The following NAALADL2 variants were observed in gnomAD, a reference collection of about 807,000 sequenced individuals.
The protein encoded by NAALADL2 is inactive N-acetylated-alpha-linked acidic dipeptidase-like protein 2.
Under a neutral mutation model 87.2 loss-of-function variants are expected in NAALADL2, and 76 were observed. That is an observed-to-expected ratio of 0.87 (90% CI 0.72 to 1.05). The LOEUF (loss-of-function observed/expected upper bound fraction) is 1.05. Ranked by LOEUF, NAALADL2 falls within the 50% of genes least tolerant of loss-of-function variation. NAALADL2 has a pLI of 0.00. For missense variants in NAALADL2, 1,089 were observed against 945.8 expected, an observed-to-expected ratio of 1.15 and a Z score of -1.99; for synonymous variants, 354 against 331.0, an observed-to-expected ratio of 1.07 and a Z score of -0.75.
rs1329476434 is a variant in NAALADL2, at chr3:175,293,498, G to C, written c.940-30677G>C. Among the ~76,000 whole-genome samples, 3 of 152,162 alleles carry C rather than the reference G, an allele frequency of 2.0e-5. No homozygotes were observed. In the East Asian group the frequency reaches 5.8e-4, roughly 29 times the overall value. ...TTTTCCAAACAGTACATTTTTTTGA[G>C]CAACAACTGCTATGGTTTGAATATT... On this transcript the variant is annotated intron_variant, in intron 4 of 13. Transcript: ENST00000454872.
At chr3:175,394,760 G>T (rs139422398) in intron 5 of NAALADL2, among the ~76,000 whole-genome samples, 1 of 152,114 alleles carries the variant, frequency 6.6e-6, no homozygotes, top group Admixed American at 6.5e-5. Flanking sequence ...CAATCAGCAC[G>T]TTTCTGTTCA....
intron 5 of NAALADL2, among the ~76,000 whole-genome samples, chr3:175,424,089 C>G (rs1380928773): frequency 6.6e-6 from 1 of 152,164 alleles, no homozygotes; most frequent in Non-Finnish European, 1.5e-5. Context: ...TGTTCATATC[C>G]TTCGCCCACT....
rs571467179 is a variant in NAALADL2, at chr3:175,576,299, C to T, written c.1800+112C>T. On this transcript the variant is annotated intron_variant, in intron 10 of 13. Coordinates refer to ENST00000454872, the MANE Select transcript of NAALADL2 (RefSeq NM_207015.3). ...TATCAAATAGGTCACTATAGAAAAG[C>T]GGCTTCATTTAGAGAGTTATTCTTG... 60 of 961,658 alleles carry T rather than the reference C, an allele frequency of 6.2e-5. 1 individual carries two copies. Among genetic ancestry groups the T allele is most frequent in the South Asian group, 4.1e-4 (23 of 55,758 alleles). The allele number at this position is 961,658 out of a possible 1,614,324, so 59.6% of individuals were successfully genotyped here. A position where few individuals can be genotyped will look rare whatever the true frequency, so the allele number is the denominator to read the frequency against.
chr3:174,540,964 G>A (rs1039615934), intron 1 of NAALADL2, among the ~76,000 whole-genome samples: 1 of 152,038 alleles, frequency 6.6e-6, no homozygotes, highest in Non-Finnish European at 1.5e-5. Context: ...AGGTAGAAGG[G>A]GAGAATTAAA....
At chr3:175,225,484 A>G (rs1303086969) in intron 2 of NAALADL2, among the ~76,000 whole-genome samples, 1 of 152,120 alleles carries the variant, frequency 6.6e-6, no homozygotes, top group Non-Finnish European at 1.5e-5. Context: ...TTAATTTTTT[A>G]AGATTACTGA....
chr3:174,990,141 A>G (rs1268003103), intron 1 of NAALADL2, among the ~76,000 whole-genome samples: 1 of 152,176 alleles, frequency 6.6e-6, no homozygotes, highest in Non-Finnish European at 1.5e-5. Context: ...AAATTTCCGC[A>G]AATGCCACAC....
chr3:175,008,436 C>A (rs1749332420), intron 1 of NAALADL2, among the ~76,000 whole-genome samples: 1 of 152,092 alleles, frequency 6.6e-6, no homozygotes, highest in Middle Eastern at 3.2e-3. Flanking sequence ...TTTAATATTT[C>A]TGGACTGTGT....
chr3:175,418,171 A>C (rs547497479), intron 5 of NAALADL2, among the ~76,000 whole-genome samples: 8 of 152,272 alleles, frequency 5.3e-5, no homozygotes, highest in African/African-American at 1.9e-4. Flanking sequence ...TTATGATTAA[A>C]ATCTACTTTT....
intron 10 of NAALADL2, among the ~76,000 whole-genome samples, chr3:175,583,816 C>T (rs1203024805): frequency 1.3e-5 from 2 of 152,062 alleles, no homozygotes; most frequent in South Asian, 2.1e-4. Context: ...TATGAACTAG[C>T]TTCTAATTAA....
At chr3:175,176,433 A>C (rs931764488) in intron 2 of NAALADL2, among the ~76,000 whole-genome samples, 1 of 152,164 alleles carries the variant, frequency 6.6e-6, no homozygotes, top group Non-Finnish European at 1.5e-5. Flanking sequence ...AGACATTGTC[A>C]GAGAAGATAT....
At chr3:174,702,502 G>A (rs531507318) in intron 2 of NAALADL2, among the ~76,000 whole-genome samples, 15 of 152,230 alleles carry the variant, frequency 9.9e-5, no homozygotes, top group South Asian at 8.3e-4. Flanking sequence ...ATGGTCACAC[G>A]TCACTTAATG....
At chr3:175,643,667 A>T (rs1210476390) in intron 11 of NAALADL2, among the ~76,000 whole-genome samples, 2 of 152,206 alleles carry the variant, frequency 1.3e-5, no homozygotes, top group African/African-American at 4.8e-5. Context: ...ATCACTTAGA[A>T]TTGGTGAACA....
intron 1 of NAALADL2, among the ~76,000 whole-genome samples, chr3:174,486,623 G>T (rs1052637966): frequency 1.3e-5 from 2 of 151,960 alleles, no homozygotes; most frequent in Non-Finnish European, 2.9e-5. Flanking sequence ...TTCTCTGATG[G>T]ATCTAAGAGG....
chr3:175,373,218 TGA>T (rs1237132424), intron 5 of NAALADL2, among the ~76,000 whole-genome samples: 2 of 152,220 alleles, frequency 1.3e-5, no homozygotes, highest in African/African-American at 2.4e-5. Context: ...TAAAATTTGT[TGA>T]GTTTGGCCAG....
At chr3:175,554,873 C>T (rs1715009416) in intron 9 of NAALADL2, among the ~76,000 whole-genome samples, 1 of 152,126 alleles carries the variant, frequency 6.6e-6, no homozygotes, top group Non-Finnish European at 1.5e-5. Context: ...TTATCAATTG[C>T]TATTTACCTT....
chr3:174,457,028 C>T lies in NAALADL2; in HGVS notation c.-184+15996C>T, dbSNP rs142421090. Among the ~76,000 whole-genome samples, 283 of 151,936 alleles carry T rather than the reference C, an allele frequency of 1.9e-3. 1 individual carries two copies. The highest frequency in any genetic ancestry group is 6.6e-3 in the African/African-American group (272 of 41,458). On this transcript the variant is annotated intron_variant, in intron 1 of 3. Coordinates refer to the NAALADL2 transcript ENST00000434257. Reference sequence around the variant, plus strand: ...ACAAATTTACAAGAAAAAATAATCCCATTAAAATGTGGGCAAAGGACATAA... The same window carrying T: ...ACAAATTTACAAGAAAAAATAATCCTATTAAAATGTGGGCAAAGGACATAA...
intron 2 of NAALADL2, among the ~76,000 whole-genome samples, chr3:174,690,188 G>C (rs1030771089): frequency 1.3e-5 from 2 of 152,056 alleles, no homozygotes; most frequent in Non-Finnish European, 2.9e-5. Context: ...CATTTGTTTT[G>C]ATTGTCTAGA....
intron 2 of NAALADL2, among the ~76,000 whole-genome samples, chr3:174,617,349 A>G (rs948580990): frequency 2.0e-5 from 3 of 151,806 alleles, no homozygotes; most frequent in Non-Finnish European, 4.4e-5. Context: ...AGAAGAAAAT[A>G]TATCATAAAT....
chr3:175,671,186 AC>A (rs972380091), intron 11 of NAALADL2, among the ~76,000 whole-genome samples: 2 of 150,864 alleles, frequency 1.3e-5, no homozygotes, highest in African/African-American at 4.9e-5. Flanking sequence ...GAAAAAAATA[AC>A]TTGAACTTTT....
Sources: allele counts gnomAD v4.1 joint callset (sites outside exome capture counted in the v4.1 genomes callset), GRCh38; gene constraint gnomAD v4.1.1; transcripts MANE v1.5; gene names NCBI Gene and HGNC (gene_info 2026-07-23, HGNC 2026-07-21).